The following BEST2 variants were observed in gnomAD, a reference collection of about 807,000 sequenced individuals.
The protein encoded by BEST2 is bestrophin 2.
Under a neutral mutation model 49.0 loss-of-function variants are expected in BEST2, and 36 were observed. The observed-to-expected ratio is 0.73, with a 90% CI of 0.56 to 0.97. The LOEUF (loss-of-function observed/expected upper bound fraction) is 0.97, where lower values mean the gene tolerates loss of function less well. Ranked by LOEUF, BEST2 falls within the 50% of genes least tolerant of loss-of-function variation. BEST2 has a pLI of 0.00. For synonymous variants in BEST2, 335 were observed against 304.4 expected (o/e 1.10, Z -1.05); for missense variants, 672 against 710.0 (o/e 0.95, Z 0.61).
rs767391087 is a variant in BEST2 at position 12,755,956 on chromosome 19, G to A, written c.948+21G>A. 7 of 1,611,838 alleles carry A rather than the reference G, an allele frequency of 4.3e-6. No individual in the cohort carries two copies. The highest frequency in any genetic ancestry group is 3.3e-4 in the Middle Eastern group (2 of 6,080). On this transcript the variant is annotated intron_variant, in intron 8 of 9. Transcript: ENST00000553030. This position sits in a 1 kb window ranked among gnomAD's most constrained non-coding sequence, Gnocchi z 4.4. Reference sequence around the variant, plus strand: ...TCCAGGTGAGACTCAGTTTCCAGGTGAGACTTCCAGGTGGCGACCATCCCG... The same window carrying A: ...TCCAGGTGAGACTCAGTTTCCAGGTAAGACTTCCAGGTGGCGACCATCCCG...
chr19:12,752,754 C>G lies in BEST2; in HGVS notation c.152+10C>G. On this transcript the variant is annotated intron_variant, in intron 2 of 9. Coordinates refer to ENST00000553030, the MANE Select transcript of BEST2 (RefSeq NM_017682.3). Reference sequence around the variant, plus strand: ...TGAGTGCTGCCTACCGGTGAGGCTGCCCTGAGGTGCTCATGTTCTAGCGGA... The same window carrying G: ...TGAGTGCTGCCTACCGGTGAGGCTGGCCTGAGGTGCTCATGTTCTAGCGGA... The G allele has an allele frequency of 2.5e-6, 4 of 1,606,258 alleles. No individual in the cohort carries two copies. The highest frequency in any genetic ancestry group is 3.4e-6 in the Non-Finnish European group (4 of 1,176,370).
rs1967884300 is a variant in BEST2, at chr19:12,752,674, A to G, written c.82A>G (p.Ile28Val). Reference sequence around the variant, plus strand: ...GCTGCTGCTACTGTGGCGTGGGAGCATCTACAAACTCCTGTGGCGAGAGCT... The same window carrying G: ...GCTGCTGCTACTGTGGCGTGGGAGCGTCTACAAACTCCTGTGGCGAGAGCT... ...SQLLLLWRGS[I>V]YKLLWRELLC... The change falls in exon 2 of 10, where the codon ATC (isoleucine) becomes GTC (valine). Residue 28 changes from isoleucine to valine, a missense_variant. This residue lies in a region of BEST2 where 365 missense variants were observed against 390.9 expected (regional missense o/e 0.93). Transcript: ENST00000553030. The G allele has an allele frequency of 1.2e-6, 2 of 1,612,612 alleles. No individual in the cohort carries two copies. The highest frequency in any genetic ancestry group is 1.7e-6 in the Non-Finnish European group (2 of 1,179,876).
chr19:12,757,596 C>A, intron 9 of BEST2, 55 bp from the exon 10 acceptor site: 1 of 1,504,608 alleles, frequency 6.6e-7, no homozygotes, highest in Non-Finnish European at 8.8e-7. Flanking sequence ...GCCTGGGACC[C>A]TGCTCTGTCA....
rs2145707610 is a variant in BEST2 at position 12,757,759 on chromosome 19, G to A, written c.1212G>A (p.Met404Ile). Reference protein sequence around the residue: ...LQRLLPAGAGMVAGGPLGRRL... With the variant: ...LQRLLPAGAGIVAGGPLGRRL... ...GCCTCCTGCCGGCGGGCGCGGGCAT[G>A]GTCGCGGGAGGCCCGCTGGGCCGGC... The change falls in exon 10 of 10, where the codon ATG (methionine) becomes ATA (isoleucine). Residue 404 changes from methionine (M) to isoleucine (I), a missense_variant. Physicochemically the swap from Met to Ile is conservative, Grantham distance 10. This residue lies in a region of BEST2 where 291 missense variants were observed against 279.8 expected (regional missense o/e 1.04). Transcript: ENST00000553030. 1 of 1,544,698 alleles carries A rather than the reference G, an allele frequency of 6.5e-7. No homozygotes were observed. Among genetic ancestry groups the A allele is most frequent in the South Asian group, 1.2e-5 (1 of 83,928 alleles).
chr19:12,752,477 G>C lies in BEST2; in HGVS notation c.-51-65G>C, dbSNP rs114645428. On this transcript the variant is annotated intron_variant, in intron 1 of 9. Coordinates refer to ENST00000553030, the MANE Select transcript of BEST2 (RefSeq NM_017682.3). ...CAAGGGTCAGGACTGAAGGGGTGGCGGGCCGGAACATGGGTGGAATCCCTG... is the reference window on the plus strand; with the variant it reads ...CAAGGGTCAGGACTGAAGGGGTGGCCGGCCGGAACATGGGTGGAATCCCTG... The C allele has an allele frequency of 2.8e-3, 3,162 of 1,137,024 alleles. 66 individuals carry two copies. In the African/African-American group the frequency reaches 0.042, roughly 15 times the overall value. 70.4% of individuals were successfully genotyped at this position (1,137,024 alleles called of 1,614,324 possible).
At position 12,757,878 on chromosome 19, in the gene BEST2, C is replaced by A; in HGVS notation, c.1331C>A (p.Pro444Gln). Residue 444 changes from proline (P) to glutamine (Q), a missense_variant, in exon 10 of 10, where the codon CCG becomes CAG. Coordinates refer to ENST00000553030, the MANE Select transcript of BEST2 (RefSeq NM_017682.3). ...GCGGTTGTCCCCGAAGGCGCGGCCC[C>A]GGAGTGCAGCTGCGGGGACCCGCTG... ...SCAVVPEGAA[P>Q]ECSCGDPLLD... 2 of 1,549,940 alleles carry A rather than the reference C, an allele frequency of 1.3e-6. No homozygotes were observed. Among genetic ancestry groups the A allele is most frequent in the East Asian group, 2.4e-5 (1 of 41,138 alleles).
intron 9 of BEST2, among the ~76,000 whole-genome samples, chr19:12,757,184 G>A (rs1473494834): frequency 1.3e-5 from 2 of 151,764 alleles, no homozygotes; most frequent in Admixed American, 1.3e-4. Flanking sequence ...TCACGCCAAG[G>A]TGGGCAGATC....
intron 2 of BEST2, among the ~76,000 whole-genome samples, 184 bp downstream of exon 2, chr19:12,752,928 C>G (rs1411163192): frequency 1.3e-5 from 2 of 148,368 alleles, no homozygotes; most frequent in Non-Finnish European, 3.0e-5. Flanking sequence ...CTCTTACTTC[C>G]ACCTCTGCCT....
chr19:12,752,692 C>G lies in BEST2; in HGVS notation c.100C>G (p.Arg34Gly). Residue 34 changes from arginine (R) to glycine (G), a missense_variant, in exon 2 of 10, where the codon CGA becomes GGA. By Grantham distance (125) the Arg-to-Gly change is moderately radical. Coordinates refer to ENST00000553030, the MANE Select transcript of BEST2 (RefSeq NM_017682.3). ...WRGSIYKLLW[R>G]ELLCFLGFYM... Reference sequence around the variant, plus strand: ...TGGGAGCATCTACAAACTCCTGTGGCGAGAGCTGCTCTGCTTCCTTGGGTT... The same window carrying G: ...TGGGAGCATCTACAAACTCCTGTGGGGAGAGCTGCTCTGCTTCCTTGGGTT... The G allele has an allele frequency of 6.2e-7, 1 of 1,607,822 alleles. No individual in the cohort carries two copies. Among genetic ancestry groups the G allele is most frequent in the South Asian group, 1.1e-5 (1 of 90,618 alleles).
In BEST2 at chr19:12,752,635, G is replaced by A. The variant is rs374373357; in HGVS notation, c.43G>A (p.Gly15Ser). ...AGCCCGAGTGGCGAACGCCCGCTTC[G>A]GTGGCTTCTCCCAGCTGCTGCTACT... ...YTARVANARF[G>S]GFSQLLLLWR... Residue 15 changes from glycine to serine, a missense_variant, in exon 2 of 10, where the codon GGT (glycine) becomes AGT (serine). Gly to Ser is a moderately conservative substitution (Grantham distance 56, BLOSUM62 0). Coordinates refer to ENST00000553030, the MANE Select transcript of BEST2 (RefSeq NM_017682.3). 27 of 1,612,462 alleles carry A rather than the reference G, an allele frequency of 1.7e-5. No individual in the cohort carries two copies. The highest frequency in any genetic ancestry group is 1.5e-4 in the African/African-American group (11 of 74,870).
In BEST2 at chr19:12,754,742, G is replaced by C. The variant is rs1257122825; in HGVS notation, c.438G>C (p.Ala146=). 6.3e-7 allele frequency: 1 copy of C among 1,591,876 alleles called. No individual in the cohort carries two copies. Among genetic ancestry groups the C allele is most frequent in the Non-Finnish European group, 8.6e-7 (1 of 1,169,202 alleles). The change falls in exon 4 of 10, where the codon GCG becomes GCC. Residue 146 remains alanine (A), a synonymous_variant. Transcript: ENST00000553030. Reference sequence around the variant, plus strand: ...TCATCCTGCGCTCCGTCAGCACCGCGGTGTTCAAGCGCTTCCCCACCATAG... The same window carrying C: ...TCATCCTGCGCTCCGTCAGCACCGCCGTGTTCAAGCGCTTCCCCACCATAG... ...AVLILRSVST[A]VFKRFPTIDH... is the part of the protein sequence containing the mutation.
rs896848121 is a variant in BEST2 at position 12,757,790 on chromosome 19, T to C, written c.1243T>C (p.Ser415Pro). 5 of 1,547,490 alleles carry C rather than the reference T, an allele frequency of 3.2e-6. No homozygotes were observed. Among genetic ancestry groups the C allele is most frequent in the Non-Finnish European group, 4.4e-6 (5 of 1,146,432 alleles). ...GGGAGGCCCGCTGGGCCGGCGCCTG[T>C]CCTTTCTACTCCGCAAGAACAGCTG... is the stretch of plus-strand genomic sequence containing the variant. ...VAGGPLGRRL[S>P]FLLRKNSCVS... Residue 415 changes from serine to proline, a missense_variant, in exon 10 of 10, where the codon TCC becomes CCC. By Grantham distance (74) the Ser-to-Pro change is moderately conservative. Transcript: ENST00000553030.
At chr19:12,752,858 T>G in intron 2 of BEST2, 114 bp downstream of exon 2, 2 of 839,120 alleles carry the variant, frequency 2.4e-6, no homozygotes, top group Non-Finnish European at 3.0e-6. Context: ...TATCTATGTT[T>G]TTTAAACTGA....
chr19:12,752,640 C>T lies in BEST2; in HGVS notation c.48C>T (p.Gly16=). Reference sequence around the variant, plus strand: ...GAGTGGCGAACGCCCGCTTCGGTGGCTTCTCCCAGCTGCTGCTACTGTGGC... The same window carrying T: ...GAGTGGCGAACGCCCGCTTCGGTGGTTTCTCCCAGCTGCTGCTACTGTGGC... ...TARVANARFG[G]FSQLLLLWRG... The change falls in exon 2 of 10, where the codon GGC becomes GGT. Residue 16 remains glycine (G), a synonymous_variant. Coordinates refer to ENST00000553030, the MANE Select transcript of BEST2 (RefSeq NM_017682.3). The T allele has an allele frequency of 6.2e-7, 1 of 1,612,680 alleles. No individual in the cohort carries two copies. The highest frequency in any genetic ancestry group is 8.5e-7 in the Non-Finnish European group (1 of 1,179,906).
At chr19:12,754,203 A>G (rs1967906402) in intron 3 of BEST2, among the ~76,000 whole-genome samples, 1 of 150,422 alleles carries the variant, frequency 6.6e-6, no homozygotes, top group South Asian at 2.1e-4. Flanking sequence ...AGCCTCCTGA[A>G]TAGCTGAGAC....
At chr19:12,752,769 G>A in intron 2 of BEST2, 25 bp downstream of exon 2, 1 of 1,587,986 alleles carries the variant, frequency 6.3e-7, no homozygotes, top group Admixed American at 1.7e-5. Context: ...AGGTGCTCAT[G>A]TTCTAGCGGA....
rs751506190 is a variant in BEST2, at chr19:12,754,564, C to T, written c.260C>T (p.Thr87Met). ...PVSFVLGFYV[T>M]LVVNRWWSQY... ...CGCTCCCCTGCAGGCTTTTATGTGA[C>T]GCTGGTGGTGAACCGCTGGTGGAGC... is the stretch of plus-strand genomic sequence containing the variant. Residue 87 changes from threonine (T) to methionine (M), a missense_variant, in exon 4 of 10, where the codon ACG becomes ATG. Physicochemically the swap from Thr to Met is moderately conservative, Grantham distance 81 (BLOSUM62 -1). This residue lies in a region of BEST2 where 365 missense variants were observed against 390.9 expected (regional missense o/e 0.93). Coordinates refer to ENST00000553030, the MANE Select transcript of BEST2 (RefSeq NM_017682.3). The T allele has an allele frequency of 6.6e-7, 1 of 1,526,452 alleles. No homozygotes were observed. The highest frequency in any genetic ancestry group is 8.9e-7 in the Non-Finnish European group (1 of 1,128,600). The allele number at this position is 1,526,452 out of a possible 1,614,324, so 94.6% of individuals were successfully genotyped here.
rs745409765 is a variant in BEST2, at chr19:12,754,714, T to C, written c.410T>C (p.Val137Ala). Residue 137 changes from valine to alanine, a missense_variant, in exon 4 of 10, where the codon GTG becomes GCG. By Grantham distance (64) the Val-to-Ala change is moderately conservative. Transcript: ENST00000553030. ...TLMRYAGLSA[V>A]LILRSVSTAV... ...ATGCGCTACGCAGGGCTCTCGGCCGTGCTCATCCTGCGCTCCGTCAGCACC... is the reference window on the plus strand; with the variant it reads ...ATGCGCTACGCAGGGCTCTCGGCCGCGCTCATCCTGCGCTCCGTCAGCACC... 2 of 1,591,234 alleles carry C rather than the reference T, an allele frequency of 1.3e-6. No individual in the cohort carries two copies. The highest frequency in any genetic ancestry group is 1.3e-5 in the African/African-American group (1 of 74,584).
intron 1 of BEST2, among the ~76,000 whole-genome samples, chr19:12,752,287 C>T (rs911224371): frequency 2.0e-5 from 3 of 148,832 alleles, no homozygotes; most frequent in African/African-American, 7.5e-5. Context: ...GAGGGTGACT[C>T]GGGAGCTGAC....
Sources: allele counts gnomAD v4.1 joint callset (sites outside exome capture counted in the v4.1 genomes callset), GRCh38; gene constraint gnomAD v4.1.1; regional missense constraint gnomAD v4.1.1; non-coding constraint Gnocchi (gnomAD v3.1); transcripts MANE v1.5; gene names NCBI Gene and HGNC (gene_info 2026-07-23, HGNC 2026-07-21).